The following DLG2 variants were observed in gnomAD, a reference collection of about 807,000 sequenced individuals.
DLG2 encodes the protein discs large MAGUK scaffold protein 2.
In DLG2, 45 loss-of-function variants were observed where a neutral mutation model predicts 132.5. That is an observed-to-expected ratio of 0.34 (90% CI 0.27 to 0.44). DLG2 has a LOEUF of 0.44. Ranked by LOEUF, DLG2 falls within the 20% of genes least tolerant of loss-of-function variation. The pLI is 1.00. For missense variants in DLG2, 1,045 were observed against 1,196.9 expected, an observed-to-expected ratio of 0.87 and a Z score of 1.87; for synonymous variants, 424 against 419.6, an observed-to-expected ratio of 1.01 and a Z score of -0.13.
intron 8 of DLG2, among the ~76,000 whole-genome samples, chr11:84,180,787 G>A (rs1374641188): frequency 1.3e-5 from 2 of 151,868 alleles, no homozygotes; most frequent in African/African-American, 4.8e-5. Context: ...TTGAAAGTGT[G>A]GGGAGAAAAA....
At chr11:84,494,139 G>A (rs1365161163) in intron 7 of DLG2, among the ~76,000 whole-genome samples, 1 of 152,140 alleles carries the variant, frequency 6.6e-6, no homozygotes, top group Non-Finnish European at 1.5e-5. Context: ...CAACTTATCT[G>A]TATATTCTCC....
chr11:84,506,368 C>T (rs1263410714), intron 7 of DLG2, among the ~76,000 whole-genome samples: 1 of 151,894 alleles, frequency 6.6e-6, no homozygotes, highest in East Asian at 1.9e-4. Context: ...AGCCACCGCG[C>T]CCGGCCCTCA....
intron 5 of DLG2, chr11:85,133,123 C>G (rs1482084563): frequency 7.5e-6 from 2 of 266,634 alleles, no homozygotes; most frequent in South Asian, 8.6e-5. Context: ...ACAGTTCTAT[C>G]GTTGCGATGA....
At chr11:83,561,883 CTTTTTTT>C (rs66514406) in intron 19 of DLG2, among the ~76,000 whole-genome samples, 18 of 87,946 alleles carry the variant, frequency 2.0e-4, no homozygotes, top group East Asian at 1.0e-3. Flanking sequence ...GTATTTCTTT[CTTTTTTT>C]TTTTTTTTTT....
intron 14 of DLG2, among the ~76,000 whole-genome samples, chr11:83,956,458 C>T (rs1258611279): frequency 6.6e-6 from 1 of 152,222 alleles, no homozygotes; most frequent in East Asian, 1.9e-4. Flanking sequence ...ACGCTCCCCT[C>T]CAGGAGACAT....
intron 7 of DLG2, among the ~76,000 whole-genome samples, chr11:84,351,038 C>T (rs191801600): frequency 6.6e-6 from 1 of 152,006 alleles, no homozygotes; most frequent in Non-Finnish European, 1.5e-5. Context: ...GAGCACTGTA[C>T]AGTCTATTAT....
intron 7 of DLG2, among the ~76,000 whole-genome samples, chr11:84,319,426 G>T (rs1279904363): frequency 6.6e-6 from 1 of 152,164 alleles, no homozygotes; most frequent in Non-Finnish European, 1.5e-5. Flanking sequence ...AACCATAGAT[G>T]CTTCTCTAGT....
chr11:84,297,826 T>C (rs1017691228), intron 7 of DLG2, among the ~76,000 whole-genome samples: 1 of 152,032 alleles, frequency 6.6e-6, no homozygotes, highest in East Asian at 1.9e-4. Context: ...ACACTAGCCT[T>C]CTTCTATTAT....
chr11:84,564,721 TA>T (rs1274514598), intron 6 of DLG2, among the ~76,000 whole-genome samples: 2 of 152,226 alleles, frequency 1.3e-5, no homozygotes, highest in African/African-American at 4.8e-5. Flanking sequence ...AAATATTACC[TA>T]AGGTGTCTCC....
chr11:85,622,416 C>G (rs1468663004), intron 2 of DLG2, among the ~76,000 whole-genome samples: 1 of 151,888 alleles, frequency 6.6e-6, no homozygotes, highest in Non-Finnish European at 1.5e-5. Flanking sequence ...CATATTCCCC[C>G]TCTTATTGAT....
intron 7 of DLG2, among the ~76,000 whole-genome samples, chr11:84,361,488 T>C (rs552273068): frequency 3.7e-4 from 56 of 152,006 alleles, no homozygotes; most frequent in African/African-American, 1.3e-3. Context: ...AAAATATCAT[T>C]TAAAAAGGAC....
intron 9 of DLG2, among the ~76,000 whole-genome samples, chr11:84,152,330 C>CTGTT (rs34924138): frequency 0.76 from 113,485 of 149,030 alleles, 43,715 homozygotes; most frequent in Middle Eastern, 0.89. Flanking sequence ...ATTTTAAAAT[C>CTGTT]TGTTTGTTTG....
At chr11:84,230,414 C>A (rs1191880155) in intron 8 of DLG2, among the ~76,000 whole-genome samples, 1 of 152,076 alleles carries the variant, frequency 6.6e-6, no homozygotes, top group Non-Finnish European at 1.5e-5. Flanking sequence ...ATCTAGCTTG[C>A]CGCATGATAT....
At chr11:84,769,786 C>A (rs900634204) in intron 6 of DLG2, among the ~76,000 whole-genome samples, 1 of 152,132 alleles carries the variant, frequency 6.6e-6, no homozygotes, top group African/African-American at 2.4e-5. Flanking sequence ...GGATTTCTCA[C>A]CAGAAACCTT....
intron 18 of DLG2, among the ~76,000 whole-genome samples, chr11:83,782,971 C>T (rs146836006): frequency 2.3e-4 from 35 of 152,058 alleles, no homozygotes; most frequent in Non-Finnish European, 3.8e-4. Flanking sequence ...AAAGGTTTGA[C>T]AATAATTAAC....
At chr11:83,558,826 GGTAAAAA>G (rs536986525) in intron 19 of DLG2, among the ~76,000 whole-genome samples, 240 of 148,686 alleles carry the variant, frequency 1.6e-3, no homozygotes, top group Admixed American at 4.1e-3. Flanking sequence ...ACCTACTCCC[GGTAAAAA>G]ACAGTGCTAG....
At chr11:84,148,906 C>T (rs1647140114) in intron 9 of DLG2, among the ~76,000 whole-genome samples, 1 of 152,046 alleles carries the variant, frequency 6.6e-6, no homozygotes, top group Admixed American at 6.6e-5. Context: ...TTATCAAAAG[C>T]CATTCTAACT....
chr11:84,245,082 C>A (rs1038559260), intron 8 of DLG2, among the ~76,000 whole-genome samples: 1 of 152,304 alleles, frequency 6.6e-6, no homozygotes, highest in Non-Finnish European at 1.5e-5. Context: ...ATCAGCAGTG[C>A]CATTTAAATG....
intron 6 of DLG2, among the ~76,000 whole-genome samples, chr11:84,641,023 T>C (rs968540105): frequency 2.6e-5 from 4 of 151,708 alleles, no homozygotes; most frequent in African/African-American, 9.7e-5. Flanking sequence ...ATAAACAAAA[T>C]TTTTACTTCT....
Sources: allele counts gnomAD v4.1 joint callset (sites outside exome capture counted in the v4.1 genomes callset), GRCh38; gene constraint gnomAD v4.1.1; transcripts MANE v1.5; gene names NCBI Gene and HGNC (gene_info 2026-07-23, HGNC 2026-07-21).